Variants in CRACDL observed in about 807,000 individuals in gnomAD.
The protein encoded by CRACDL is CRACD like, also known as CRACD-like protein.
CRACDL carries 26 observed loss-of-function variants against 70.6 expected under a neutral mutation model. The observed-to-expected ratio is 0.37, with a 90% CI of 0.27 to 0.51. The LOEUF (loss-of-function observed/expected upper bound fraction) is 0.51, where lower values mean the gene tolerates loss of function less well. Ranked by LOEUF, CRACDL falls within the 20% of genes least tolerant of loss-of-function variation. The pLI is 0.94. For synonymous variants in CRACDL, 618 were observed against 615.2 expected (o/e 1.00, Z -0.07); for missense variants, 1,283 against 1,376.9 (o/e 0.93, Z 1.08).
Position 98,795,073 on chromosome 2 carries a change from A to ATTTTTTTTTTT in CRACDL, c.2750-403_2750-402insAAAAAAAAAAA, listed in dbSNP as rs1468056572. Among the ~76,000 whole-genome samples the ATTTTTTTTTTT allele has an allele frequency of 6.5e-3, 131 of 20,074 alleles. 12 individuals carry two copies. The highest frequency in any genetic ancestry group is 0.042 in the Middle Eastern group (2 of 48). The allele number at this position is 20,074 out of a possible 152,430, so 13.2% of individuals were successfully genotyped here. ...TATATATATATATATATATATATATATATATTTTTTTTTTTTTTTGAGACA... is the reference window on the plus strand; with the variant it reads ...TATATATATATATATATATATATATATTTTTTTTTTTTATATTTTTTTTTTTTTTTGAGACA... On this transcript the variant is annotated intron_variant, in intron 9 of 9. Coordinates refer to ENST00000397899, the MANE Select transcript of CRACDL (RefSeq NM_207362.3).
At chr2:98,832,752 A>G (rs1172956430) in intron 4 of CRACDL, 110 bp downstream of exon 4, 6 of 1,386,674 alleles carry the variant, frequency 4.3e-6, no homozygotes, top group Non-Finnish European at 6.1e-6. Context: ...TGTCATGTAC[A>G]TGTGATTCTA....
chr2:98,795,071 A>ATT (rs1391098955), intron 9 of CRACDL, among the ~76,000 whole-genome samples: 1 of 22,394 alleles, frequency 4.5e-5, no homozygotes, highest in Non-Finnish European at 1.0e-4. Context: ...ATATATATAT[A>ATT]TATATATTTT....
At chr2:98,889,311 GAAAGAAAGAAAGAAAGAAAGAAAGAAAGA>G (rs1707895919) in intron 1 of CRACDL, among the ~76,000 whole-genome samples, 2 of 59,898 alleles carry the variant, frequency 3.3e-5, no homozygotes, top group South Asian at 3.1e-4. Context: ...AAGAAAGAAA[GAAAGAAAGAAAGAAAGAAAGAAAGAAAGA>G]AAGGAAACAG....
At chr2:98,869,258 C>A in intron 1 of CRACDL, 1 of 1,259,756 alleles carries the variant, frequency 7.9e-7, no homozygotes, top group Non-Finnish European at 1.0e-6. Context: ...TTGTCCCCAT[C>A]TCTCACAGAA....
At chr2:98,891,376 CAAAAAAAAAAAAAAA>C (rs548988640) in intron 1 of CRACDL, among the ~76,000 whole-genome samples, 19 of 37,902 alleles carry the variant, frequency 5.0e-4, no homozygotes, top group African/African-American at 4.3e-4. Context: ...GACTCCGTCT[CAAAAAAAAAAAAAAA>C]AAAAAAAAAA....
Position 98,823,491 on chromosome 2 carries a change from T to A in CRACDL, c.782A>T (p.Glu261Val). 1.3e-6 allele frequency: 2 copies of A among 1,594,228 alleles called. No homozygotes were observed. The highest frequency in any genetic ancestry group is 1.7e-6 in the Non-Finnish European group (2 of 1,177,876). ...SLSDLTCTPE[E>V]EENEEKPLLE... ...AAGTGGCTTCTCCTCGTTTTCCTCC[T>A]CCTCTGGGGTGCACGTCAGGTCGCT... Residue 261 changes from glutamate (E) to valine (V), a missense_variant, in exon 7 of 10, where the codon GAG (glutamate) becomes GTG (valine). Transcript: ENST00000397899. The surrounding 1 kb of genome is among the most constrained non-coding windows in gnomAD (Gnocchi z 4.0).
intron 7 of CRACDL, among the ~76,000 whole-genome samples, chr2:98,802,628 G>GA (rs1704124821): frequency 1.3e-5 from 2 of 152,334 alleles, no homozygotes; most frequent in South Asian, 4.1e-4. Flanking sequence ...TTCTTTTAGT[G>GA]CCTATTAAAA....
At chr2:98,918,539 CA>C (rs58312556) in intron 1 of CRACDL, among the ~76,000 whole-genome samples, 307 of 66,318 alleles carry the variant, frequency 4.6e-3, no homozygotes, top group South Asian at 0.028. Flanking sequence ...TGTTGTCTAC[CA>C]AAAAAAAAAA....
chr2:98,852,809 A>T (rs562749010), intron 1 of CRACDL, among the ~76,000 whole-genome samples: 11 of 152,080 alleles, frequency 7.2e-5, no homozygotes, highest in Non-Finnish European at 1.5e-4. Flanking sequence ...CTGGGAAAAA[A>T]GTGAATCTGA....
chr2:98,925,174 A>G (rs1352717450), intron 1 of CRACDL, among the ~76,000 whole-genome samples: 1 of 152,212 alleles, frequency 6.6e-6, no homozygotes, highest in Admixed American at 6.5e-5. Flanking sequence ...GCCAGGGTCC[A>G]GTCCTAGGTG....
chr2:98,827,911 C>T (rs1037727990), intron 5 of CRACDL, among the ~76,000 whole-genome samples: 2 of 152,378 alleles, frequency 1.3e-5, no homozygotes, highest in African/African-American at 4.8e-5. Flanking sequence ...GCAAAGCCCA[C>T]TGCCCAGTAT....
chr2:98,811,816 C>T (rs1704577573), intron 7 of CRACDL, among the ~76,000 whole-genome samples: 1 of 152,160 alleles, frequency 6.6e-6, no homozygotes, highest in Admixed American at 6.5e-5. Context: ...GAAAGACTGG[C>T]TTTATTCACT....
At chr2:98,879,119 T>C (rs1707567509) in intron 1 of CRACDL, among the ~76,000 whole-genome samples, 1 of 152,164 alleles carries the variant, frequency 6.6e-6, no homozygotes, top group African/African-American at 2.4e-5. Context: ...ATCTCCCTCC[T>C]GGACTCTGAG....
intron 1 of CRACDL, among the ~76,000 whole-genome samples, chr2:98,863,856 G>A (rs1707028393): frequency 6.6e-6 from 1 of 152,150 alleles, no homozygotes. Flanking sequence ...ACTCAGAGTA[G>A]TCAAAATCGT....
At chr2:98,922,073 T>A (rs1321158904) in intron 1 of CRACDL, among the ~76,000 whole-genome samples, 2 of 152,258 alleles carry the variant, frequency 1.3e-5, no homozygotes, top group East Asian at 1.9e-4. Flanking sequence ...TTTTTCTTCT[T>A]TTTTGATTTC....
Position 98,862,147 on chromosome 2 carries a change from G to A in CRACDL, c.-10-15337C>T, listed in dbSNP as rs946837437. Among the ~76,000 whole-genome samples the A allele has an allele frequency of 2.0e-5, 3 of 152,168 alleles. No homozygotes were observed. In the South Asian group the frequency reaches 6.2e-4, roughly 32 times the overall value. On this transcript the variant is annotated intron_variant, in intron 1 of 9. Transcript: ENST00000397899. Reference sequence around the variant, plus strand: ...ACTCAAAAGCAACTACATAAGGGGAGATTAGAAAGTCACCATGCATGCCTG... The same window carrying A: ...ACTCAAAAGCAACTACATAAGGGGAAATTAGAAAGTCACCATGCATGCCTG...
chr2:98,839,238 A>G (rs1443072735), intron 2 of CRACDL, among the ~76,000 whole-genome samples: 1 of 152,202 alleles, frequency 6.6e-6, no homozygotes, highest in African/African-American at 2.4e-5. Flanking sequence ...AGAATTACTT[A>G]GGATTACTTT....
chr2:98,841,097 T>A (rs771247067), intron 2 of CRACDL, among the ~76,000 whole-genome samples: 2 of 152,194 alleles, frequency 1.3e-5, no homozygotes, highest in Non-Finnish European at 2.9e-5. Flanking sequence ...ACTCAATCTG[T>A]GTAGCTACAC....
rs1039807430 is a variant in CRACDL, at chr2:98,896,588, C to T, written c.-11+39350G>A. Among the ~76,000 whole-genome samples the T allele has an allele frequency of 4.6e-5, 7 of 152,160 alleles. No individual in the cohort carries two copies. In the East Asian group the frequency reaches 9.7e-4, roughly 21 times the overall value. On this transcript the variant is annotated intron_variant, in intron 1 of 9. Transcript: ENST00000397899. Reference sequence around the variant, plus strand: ...TTCAGGGAGTCCTGACAGCTGCTGTCGGCAGAATGATTGACACTCACAACA... The same window carrying T: ...TTCAGGGAGTCCTGACAGCTGCTGTTGGCAGAATGATTGACACTCACAACA...
Sources: gnomAD v4.1 joint callset for allele counts (sites outside exome capture counted in the v4.1 genomes callset) on GRCh38, gnomAD v4.1.1 for gene constraint, Gnocchi (gnomAD v3.1) non-coding constraint, MANE v1.5 for transcripts, NCBI Gene and HGNC (gene_info 2026-07-23, HGNC 2026-07-21) for gene names.